The following DGKI variants were observed in gnomAD, a reference collection of about 807,000 sequenced individuals.
The protein encoded by DGKI is diacylglycerol kinase iota, also known as DAG kinase iota.
A neutral mutation model predicts 147.5 loss-of-function variants in DGKI; 55 were observed. That is an observed-to-expected ratio of 0.37 (90% CI 0.30 to 0.47). The LOEUF (loss-of-function observed/expected upper bound fraction) is 0.47. DGKI is among the 20% of genes least tolerant of loss of function. DGKI has a pLI of 1.00. For synonymous variants in DGKI, 469 were observed against 477.1 expected (o/e 0.98, Z 0.22); for missense variants, 1,007 against 1,323.8 (o/e 0.76, Z 3.71).
At chr7:137,710,186 AT>A (rs888855158) in intron 1 of DGKI, among the ~76,000 whole-genome samples, 4 of 152,116 alleles carry the variant, frequency 2.6e-5, no homozygotes, top group Non-Finnish European at 4.4e-5. Context: ...AAGACTCAAT[AT>A]TTTGAAGATG....
chr7:137,605,756 A>G (rs1343524305), intron 10 of DGKI, among the ~76,000 whole-genome samples: 1 of 152,210 alleles, frequency 6.6e-6, no homozygotes, highest in Non-Finnish European at 1.5e-5. Flanking sequence ...TAGAGCTAAG[A>G]AAGTGGATCT....
chr7:137,528,244 G>T (rs1817220504), intron 20 of DGKI, among the ~76,000 whole-genome samples: 1 of 152,228 alleles, frequency 6.6e-6, no homozygotes, highest in African/African-American at 2.4e-5. Flanking sequence ...AATCCATGTT[G>T]AATTATGTTC....
At chr7:137,716,084 G>A (rs543214548) in intron 1 of DGKI, among the ~76,000 whole-genome samples, 2 of 152,304 alleles carry the variant, frequency 1.3e-5, no homozygotes, top group Admixed American at 6.5e-5. Flanking sequence ...GACCTAGGAA[G>A]GAGGTCACAG....
chr7:137,740,949 G>A (rs61697285), intron 1 of DGKI, among the ~76,000 whole-genome samples: 3 of 152,162 alleles, frequency 2.0e-5, no homozygotes, highest in African/African-American at 7.2e-5. Flanking sequence ...GAGTAACTAG[G>A]TAAATGAGCT....
At chr7:137,657,187 T>C (rs1822256340) in intron 3 of DGKI, among the ~76,000 whole-genome samples, 1 of 152,228 alleles carries the variant, frequency 6.6e-6, no homozygotes, top group Non-Finnish European at 1.5e-5. Context: ...ATATAGTATT[T>C]GCTATCTGTT....
At position 137,828,657 on chromosome 7, in the gene DGKI, T is replaced by C. The variant is rs1585542645; in HGVS notation, c.401+17805A>G. Among the ~76,000 whole-genome samples the C allele has an allele frequency of 3.9e-5, 6 of 152,288 alleles. No homozygotes were observed. The South Asian group carries it at 1.0e-3, about 26-fold the overall frequency. ...ATTTTTAGAACACCCTTGTGTGCAATATTGGCACTTCAAAGCACCAGATAG... is the reference window on the plus strand; with the variant it reads ...ATTTTTAGAACACCCTTGTGTGCAACATTGGCACTTCAAAGCACCAGATAG... On this transcript the variant is annotated intron_variant, in intron 1 of 32. Transcript: ENST00000614521.
chr7:137,503,250 A>C (rs1816245023), intron 21 of DGKI, among the ~76,000 whole-genome samples: 1 of 152,184 alleles, frequency 6.6e-6, no homozygotes, highest in African/African-American at 2.4e-5. Flanking sequence ...AAGAAATGCA[A>C]CTATACAATT....
At chr7:137,615,904 C>T (rs372379936) in intron 8 of DGKI, among the ~76,000 whole-genome samples, 6 of 152,198 alleles carry the variant, frequency 3.9e-5, no homozygotes, top group Middle Eastern at 3.4e-3. Flanking sequence ...AAGGTTATTA[C>T]GGGCCCAGGT....
chr7:137,711,563 C>T (rs1794213927), intron 1 of DGKI, among the ~76,000 whole-genome samples: 1 of 151,556 alleles, frequency 6.6e-6, no homozygotes, highest in Admixed American at 6.6e-5. Context: ...ACTATGTATT[C>T]TTGACAGGGG....
intron 20 of DGKI, among the ~76,000 whole-genome samples, chr7:137,531,384 A>G (rs748379372): frequency 2.0e-5 from 3 of 152,174 alleles, no homozygotes; most frequent in Non-Finnish European, 2.9e-5. Flanking sequence ...ACAAAACACT[A>G]ACATGAGTTA....
At chr7:137,739,695 G>A (rs1585429389) in intron 1 of DGKI, among the ~76,000 whole-genome samples, 1 of 152,318 alleles carries the variant, frequency 6.6e-6, no homozygotes, top group South Asian at 2.1e-4. Flanking sequence ...TTTAGCGAAT[G>A]TAAAAAGTGC....
chr7:137,660,798 G>A (rs1388450577), intron 3 of DGKI, among the ~76,000 whole-genome samples: 2 of 151,820 alleles, frequency 1.3e-5, no homozygotes, highest in Non-Finnish European at 2.9e-5. Context: ...AAGGAAGGAT[G>A]GGAAAGATGA....
At chr7:137,669,736 C>A (rs928897425) in intron 3 of DGKI, among the ~76,000 whole-genome samples, 3 of 152,112 alleles carry the variant, frequency 2.0e-5, no homozygotes, top group Non-Finnish European at 4.4e-5. Context: ...AAGAACTGCA[C>A]AAAGATAGAA....
chr7:137,846,764 C>T lies in DGKI; in HGVS notation c.99G>A (p.Pro33=), dbSNP rs1339388966. Residue 33 remains proline (P), a synonymous_variant, in exon 1 of 33, where the codon CCG becomes CCA. Transcript: ENST00000614521. This position sits in a 1 kb window ranked among gnomAD's most constrained non-coding sequence, Gnocchi z 4.0. The stretch of plus-strand genomic sequence containing the variant: ...AGGCGGCGCCGCTGCAGGGGCCGGG[C>T]GGGCTGGCGGCGGCGGCGGCGGCGG... The part of the protein sequence containing the change: ...PAAAAAAAAS[P]PGPCSGAACA... 2 of 1,036,246 alleles carry T rather than the reference C, an allele frequency of 1.9e-6. No homozygotes were observed. Among genetic ancestry groups the T allele is most frequent in the African/African-American group, 1.7e-5 (1 of 58,056 alleles). 64.2% of individuals were successfully genotyped at this position (1,036,246 alleles called of 1,614,324 possible).
chr7:137,533,031 G>A (rs1024636214), intron 20 of DGKI, among the ~76,000 whole-genome samples: 4 of 152,168 alleles, frequency 2.6e-5, no homozygotes, highest in Non-Finnish European at 4.4e-5. Flanking sequence ...GGGGCCAGGT[G>A]CAGTGGCACC....
chr7:137,716,721 C>CA (rs1794387914), intron 1 of DGKI, among the ~76,000 whole-genome samples: 1 of 152,200 alleles, frequency 6.6e-6, no homozygotes, highest in African/African-American at 2.4e-5. Context: ...ACCTTCTGTG[C>CA]AAAATACCTT....
chr7:137,831,639 G>T (rs1798223681), intron 1 of DGKI, among the ~76,000 whole-genome samples: 1 of 152,152 alleles, frequency 6.6e-6, no homozygotes, highest in South Asian at 2.1e-4. Context: ...ATGAGACCTG[G>T]GTGGGGACAC....
At chr7:137,474,104 A>C (rs918218566) in intron 23 of DGKI, among the ~76,000 whole-genome samples, 1 of 152,144 alleles carries the variant, frequency 6.6e-6, no homozygotes, top group Non-Finnish European at 1.5e-5. Flanking sequence ...CTACTCACAT[A>C]ATAGGTCCTA....
chr7:137,414,684 A>C (rs1048079138), intron 28 of DGKI, among the ~76,000 whole-genome samples: 1 of 152,176 alleles, frequency 6.6e-6, no homozygotes, highest in Non-Finnish European at 1.5e-5. Context: ...GCCTGTGTCC[A>C]GTGCCCCCAT....
Sources: allele counts gnomAD v4.1 joint callset (sites outside exome capture counted in the v4.1 genomes callset), GRCh38; gene constraint gnomAD v4.1.1; non-coding constraint Gnocchi (gnomAD v3.1); transcripts MANE v1.5; gene names NCBI Gene and HGNC (gene_info 2026-07-23, HGNC 2026-07-21).